C12orf42: variants seen among roughly 807,000 people sequenced by gnomAD.
C12orf42 encodes chromosome 12 open reading frame 42, also known as uncharacterized protein C12orf42.
In C12orf42, 25 loss-of-function variants were observed where a neutral mutation model predicts 21.6. The ratio of observed to expected loss-of-function variants is 1.16; its 90% CI spans 0.84 to 1.62. C12orf42 has a LOEUF of 1.62. C12orf42 is among the 40% of genes most tolerant of loss of function. The probability of loss-of-function intolerance (pLI) is 0.00; values close to 1 mark genes in which losing one functional copy is unlikely to be tolerated. For synonymous variants in C12orf42, 174 were observed against 175.0 expected (o/e 0.99, Z 0.05); for missense variants, 483 against 459.3 (o/e 1.05, Z -0.47).
At chr12:103,563,114 A>G in the C12orf42 span, among the ~76,000 whole-genome samples, 5 of 152,210 alleles carry the variant, frequency 3.3e-5, no homozygotes. Context: ...TGTGCTACTG[A>G]TGGGTATCCC....
At chr12:103,550,482 T>A in the C12orf42 span, 1 of 152,194 alleles carries the variant, frequency 6.6e-6, no homozygotes, top group Non-Finnish European at 1.5e-5. Flanking sequence ...GATATAAGCA[T>A]CTTTGCATAA....
At chr12:103,214,921 T>C in the C12orf42 span, among the ~76,000 whole-genome samples, 2 of 152,116 alleles carry the variant, frequency 1.3e-5, no homozygotes, top group Non-Finnish European at 2.9e-5. Context: ...ATTGTCCAAA[T>C]AGTTTTCCTT....
chr12:103,468,310 C>CCA (rs1953304629), intron 2 of C12orf42, among the ~76,000 whole-genome samples: 1 of 152,176 alleles, frequency 6.6e-6, no homozygotes, highest in Non-Finnish European at 1.5e-5. Context: ...AGTTTTCACC[C>CCA]TAATATTTGG....
At chr12:103,086,722 C>T in the C12orf42 span, among the ~76,000 whole-genome samples, 67 of 151,966 alleles carry the variant, frequency 4.4e-4, 1 homozygote, top group Non-Finnish European at 8.7e-4. Flanking sequence ...GTTTCTGATT[C>T]GCTTACACTG....
At chr12:103,291,411 A>T (rs2036814039) in intron 4 of C12orf42, among the ~76,000 whole-genome samples, 2 of 152,228 alleles carry the variant, frequency 1.3e-5, no homozygotes, top group African/African-American at 4.8e-5. Flanking sequence ...TTCATGCAGC[A>T]AAGAATTCAA....
chr12:103,070,029 G>A, the C12orf42 span, among the ~76,000 whole-genome samples: 121 of 152,288 alleles, frequency 7.9e-4, no homozygotes, highest in African/African-American at 2.8e-3. Context: ...GGTGCTTACT[G>A]ATGCATCTTC....
the C12orf42 span, among the ~76,000 whole-genome samples, chr12:103,526,135 G>A: frequency 6.6e-6 from 1 of 152,126 alleles, no homozygotes; most frequent in African/African-American, 2.4e-5. Context: ...CAACTATTCC[G>A]AGCTTTCAAT....
At chr12:103,118,257 C>T in the C12orf42 span, among the ~76,000 whole-genome samples, 1 of 152,120 alleles carries the variant, frequency 6.6e-6, no homozygotes, top group African/African-American at 2.4e-5. Context: ...CTGGTACACA[C>T]ACCAAAAGGA....
chr12:103,537,331 G>GAA, the C12orf42 span, among the ~76,000 whole-genome samples: 24 of 147,268 alleles, frequency 1.6e-4, no homozygotes, highest in East Asian at 7.9e-4. Context: ...TAAGGTTTAT[G>GAA]AAAAAAAAAA....
the C12orf42 span, among the ~76,000 whole-genome samples, chr12:103,113,633 C>T: frequency 2.6e-5 from 4 of 152,152 alleles, no homozygotes; most frequent in Non-Finnish European, 5.9e-5. Context: ...TCGTATAGTG[C>T]ACATATTAAC....
chr12:103,376,045 TAGAC>T (rs1336495798), intron 3 of C12orf42, among the ~76,000 whole-genome samples: 2 of 152,216 alleles, frequency 1.3e-5, no homozygotes, highest in Admixed American at 6.5e-5. Context: ...TGCCTCAAGT[TAGAC>T]AGAAGATTGT....
At chr12:103,081,318 C>T in the C12orf42 span, 6 of 152,144 alleles carry the variant, frequency 3.9e-5, no homozygotes, top group Admixed American at 2.6e-4. Flanking sequence ...TTAATCTTCT[C>T]GAAAATCGCT....
the C12orf42 span, among the ~76,000 whole-genome samples, chr12:103,097,192 A>G: frequency 6.6e-6 from 1 of 152,210 alleles, no homozygotes; most frequent in Non-Finnish European, 1.5e-5. Context: ...TTAGTTTACA[A>G]AAGAAAGCAA....
the C12orf42 span, among the ~76,000 whole-genome samples, chr12:103,071,535 T>G: frequency 6.6e-6 from 1 of 152,074 alleles, no homozygotes; most frequent in Non-Finnish European, 1.5e-5. Flanking sequence ...ATAATCCCCA[T>G]GTGTCAAGGG....
At chr12:103,431,790 A>C (rs1219636686) in intron 2 of C12orf42, among the ~76,000 whole-genome samples, 1 of 152,194 alleles carries the variant, frequency 6.6e-6, no homozygotes, top group Non-Finnish European at 1.5e-5. Context: ...GTCACACAGC[A>C]CCAAAGTATG....
intron 4 of C12orf42, among the ~76,000 whole-genome samples, chr12:103,326,199 AT>A (rs988041516): frequency 1.3e-5 from 2 of 152,206 alleles, no homozygotes; most frequent in Non-Finnish European, 2.9e-5. Context: ...ACACAAGGTG[AT>A]TGGGCTTCAG....
At chr12:103,374,244 G>C (rs1454528911) in intron 3 of C12orf42, among the ~76,000 whole-genome samples, 1 of 152,012 alleles carries the variant, frequency 6.6e-6, no homozygotes, top group African/African-American at 2.4e-5. Context: ...TGAGTATTTG[G>C]GGATTTACTC....
At chr12:103,307,958 T>C (rs2038542947) in intron 4 of C12orf42, among the ~76,000 whole-genome samples, 2 of 152,218 alleles carry the variant, frequency 1.3e-5, no homozygotes, top group Admixed American at 6.5e-5. Context: ...TTATGGTTTG[T>C]TTCTAAGTTA....
chr12:103,130,831 C>T, the C12orf42 span, among the ~76,000 whole-genome samples: 1 of 152,300 alleles, frequency 6.6e-6, no homozygotes, highest in African/African-American at 2.4e-5. Flanking sequence ...GCTGCTGCTG[C>T]AATCTCTATA....
Sources: allele counts gnomAD v4.1 joint callset (sites outside exome capture counted in the v4.1 genomes callset), GRCh38; gene constraint gnomAD v4.1.1; transcripts MANE v1.5; gene names NCBI Gene and HGNC (gene_info 2026-07-23, HGNC 2026-07-21).